Variants in CADPS2 observed in about 807,000 individuals in gnomAD.
CADPS2 encodes the protein calcium dependent secretion activator 2, also known as calcium-dependent secretion activator 2.
A neutral mutation model predicts 172.5 loss-of-function variants in CADPS2; 93 were observed. The observed-to-expected ratio is 0.54, with a 90% CI of 0.46 to 0.64. The LOEUF is 0.64. Ranked by LOEUF, CADPS2 falls within the 30% of genes least tolerant of loss-of-function variation. The pLI, the probability that CADPS2 is intolerant of heterozygous loss-of-function variation, is 0.00. For missense variants in CADPS2, 1,420 were observed against 1,565.9 expected (o/e 0.91, Z 1.57); for synonymous variants, 546 against 555.2 (o/e 0.98, Z 0.23).
chr7:122,753,137 T>G (rs764124366), intron 1 of CADPS2, among the ~76,000 whole-genome samples: 2 of 152,214 alleles, frequency 1.3e-5, no homozygotes, highest in African/African-American at 2.4e-5. Context: ...ATTAGTTTAA[T>G]AGTGCTCACA....
intron 2 of CADPS2, among the ~76,000 whole-genome samples, chr7:122,701,145 T>A (rs985019489): frequency 3.3e-5 from 5 of 152,086 alleles, no homozygotes. Context: ...TCCTAGTAAC[T>A]TGAAGAAAAA....
Position 122,681,201 on chromosome 7 carries a change from T to G in CADPS2, c.454-17632A>C, listed in dbSNP as rs1044974621. 6 of 631,254 alleles carry G rather than the reference T, an allele frequency of 9.5e-6. No homozygotes were observed. The African/African-American group carries it at 1.1e-4, about 12-fold the overall frequency. 39.1% of individuals were successfully genotyped at this position (631,254 alleles called of 1,614,324 possible). On this transcript the variant is annotated intron_variant, in intron 2 of 29. Coordinates refer to ENST00000449022, the MANE Select transcript of CADPS2 (RefSeq NM_017954.11). ...CTAGATGACAAGTTAGTGGGTGCAG[T>G]GCACCAGCATGGCACATGTATACAT...
At chr7:122,476,163 TC>T (rs2056597052) in intron 12 of CADPS2, among the ~76,000 whole-genome samples, 1 of 152,078 alleles carries the variant, frequency 6.6e-6, no homozygotes, top group Non-Finnish European at 1.5e-5. Context: ...TCCATTTATC[TC>T]AGCAAAAAAA....
At position 122,463,025 on chromosome 7, in the gene CADPS2, C is replaced by T. The variant is rs762794273; in HGVS notation, c.2186+8350G>A. ...TACAGAAATAGAGAGCAAAAACCAC[C>T]ATGACAGTGGTAAATCACCACTCAC... is the stretch of plus-strand genomic sequence containing the variant. On this transcript the variant is annotated intron_variant, in intron 14 of 29. Transcript: ENST00000449022. Among the ~76,000 whole-genome samples the T allele has an allele frequency of 2.0e-5, 3 of 152,160 alleles. 1 individual carries two copies. Among genetic ancestry groups the T allele is most frequent in the Admixed American group, 1.3e-4 (2 of 15,274 alleles).
chr7:122,474,857 G>A (rs780106784), intron 12 of CADPS2, among the ~76,000 whole-genome samples: 7 of 152,054 alleles, frequency 4.6e-5, no homozygotes, highest in South Asian at 2.1e-4. Context: ...AGAAAAGAAC[G>A]AAGATCTATT....
chr7:122,611,703 T>G (rs1386694691), intron 6 of CADPS2, among the ~76,000 whole-genome samples: 1 of 151,996 alleles, frequency 6.6e-6, no homozygotes, highest in Non-Finnish European at 1.5e-5. Context: ...AGGGTCCACT[T>G]AAAACTTATT....
At chr7:122,397,435 A>T (rs1287622344) in intron 20 of CADPS2, among the ~76,000 whole-genome samples, 1 of 133,708 alleles carries the variant, frequency 7.5e-6, no homozygotes, top group Non-Finnish European at 1.6e-5. Context: ...AGACAAAGAG[A>T]AAATGATGGA....
intron 8 of CADPS2, among the ~76,000 whole-genome samples, chr7:122,514,527 T>C (rs2060216307): frequency 6.6e-6 from 1 of 151,488 alleles, no homozygotes; most frequent in African/African-American, 2.4e-5. Context: ...GGCTAAGGTG[T>C]GGGGAATTAA....
intron 3 of CADPS2, among the ~76,000 whole-genome samples, chr7:122,656,866 G>A (rs142284163): frequency 6.6e-6 from 1 of 152,142 alleles, no homozygotes; most frequent in East Asian, 1.9e-4. Flanking sequence ...TGGTGTTTTA[G>A]ACATGAAGTC....
intron 4 of CADPS2, among the ~76,000 whole-genome samples, chr7:122,622,183 G>C (rs546861638): frequency 6.6e-6 from 1 of 152,236 alleles, no homozygotes; most frequent in African/African-American, 2.4e-5. Context: ...GTTGTTGGAA[G>C]AGTATGCTTT....
intron 8 of CADPS2, among the ~76,000 whole-genome samples, chr7:122,518,374 AT>A (rs1273724380): frequency 6.6e-6 from 1 of 152,150 alleles, no homozygotes; most frequent in Non-Finnish European, 1.5e-5. Context: ...GTAACCATTT[AT>A]TTGACATATA....
intron 9 of CADPS2, 84 bp from the exon 10 acceptor site, chr7:122,491,504 T>C (rs750110912): frequency 1.0e-4 from 66 of 634,292 alleles, no homozygotes; most frequent in Non-Finnish European, 4.7e-5. Flanking sequence ...AATACTCTTT[T>C]CCCAATTAAA....
chr7:122,349,586 C>G (rs749468810), intron 27 of CADPS2, among the ~76,000 whole-genome samples: 1 of 152,042 alleles, frequency 6.6e-6, no homozygotes, highest in Non-Finnish European at 1.5e-5. Flanking sequence ...ACAAAGGGAT[C>G]AAGAACTATG....
chr7:122,541,701 A>ATATT (rs2063003720), intron 8 of CADPS2, among the ~76,000 whole-genome samples: 1 of 145,654 alleles, frequency 6.9e-6, no homozygotes, highest in East Asian at 2.0e-4. Context: ...ATATGTTTAT[A>ATATT]TATTCATATA....
chr7:122,804,935 G>T (rs73222415), intron 1 of CADPS2, among the ~76,000 whole-genome samples: 1 of 152,276 alleles, frequency 6.6e-6, no homozygotes, highest in East Asian at 1.9e-4. Context: ...CTGGGGATTG[G>T]TAAATAGAAT....
intron 2 of CADPS2, among the ~76,000 whole-genome samples, chr7:122,691,162 A>AT (rs1411663361): frequency 6.6e-6 from 1 of 152,192 alleles, no homozygotes; most frequent in African/African-American, 2.4e-5. Context: ...GAATGCACCC[A>AT]TCCTGCTATC....
chr7:122,331,436 G>A (rs888749870), intron 28 of CADPS2, among the ~76,000 whole-genome samples: 3 of 152,118 alleles, frequency 2.0e-5, no homozygotes, highest in African/African-American at 7.2e-5. Context: ...CCAGGAGTTG[G>A]AGACCAGCCT....
intron 1 of CADPS2, among the ~76,000 whole-genome samples, chr7:122,764,061 C>T (rs537664459): frequency 9.2e-5 from 14 of 152,224 alleles, no homozygotes; most frequent in Admixed American, 8.5e-4. Context: ...GTCCCCTAGG[C>T]ACCTCCATTT....
intron 1 of CADPS2, among the ~76,000 whole-genome samples, chr7:122,794,839 T>C (rs1796030792): frequency 6.6e-6 from 1 of 151,352 alleles, no homozygotes; most frequent in South Asian, 2.1e-4. Context: ...TACAATTAGA[T>C]GGAAATTGAA....
Sources: allele counts gnomAD v4.1 joint callset (sites outside exome capture counted in the v4.1 genomes callset), GRCh38; gene constraint gnomAD v4.1.1; transcripts MANE v1.5; gene names NCBI Gene and HGNC (gene_info 2026-07-23, HGNC 2026-07-21).